The following NWD2 variants were observed in gnomAD, a reference collection of about 807,000 sequenced individuals.
NWD2 encodes the protein NACHT and WD repeat domain-containing protein 2.
NWD2 carries 37 observed loss-of-function variants against 132.7 expected under a neutral mutation model. The observed-to-expected ratio is 0.28, with a 90% CI of 0.21 to 0.37. The LOEUF is 0.37. NWD2 is among the 10% of genes least tolerant of loss of function. NWD2 has a pLI of 1.00. For missense variants in NWD2, 1,592 were observed against 2,122.4 expected (o/e 0.75, Z 4.91); for synonymous variants, 705 against 803.0 (o/e 0.88, Z 2.06).
intron 1 of NWD2, among the ~76,000 whole-genome samples, chr4:37,275,048 C>T (rs1320629004): frequency 1.3e-5 from 2 of 152,154 alleles, no homozygotes; most frequent in African/African-American, 4.8e-5. Flanking sequence ...CTCACCACTC[C>T]TATTCAACAT....
intron 3 of NWD2, among the ~76,000 whole-genome samples, chr4:37,392,984 C>T (rs1159719398): frequency 1.3e-5 from 2 of 152,166 alleles, no homozygotes; most frequent in Non-Finnish European, 2.9e-5. Context: ...ACCCAAATCT[C>T]GGTCTGACAT....
chr4:37,365,724 G>GC (rs1335871819), intron 3 of NWD2, among the ~76,000 whole-genome samples: 1 of 152,166 alleles, frequency 6.6e-6, no homozygotes, highest in African/African-American at 2.4e-5. Context: ...AGCCAAGAGG[G>GC]CCGTTGAAAT....
chr4:37,330,171 T>C (rs986038346), intron 2 of NWD2, among the ~76,000 whole-genome samples: 52 of 152,332 alleles, frequency 3.4e-4, no homozygotes, highest in African/African-American at 1.2e-3. Context: ...TCATTTGAAC[T>C]AAGATATTTG....
At position 37,438,896 on chromosome 4, in the gene NWD2, C is replaced by A; in HGVS notation, c.802C>A (p.Arg268Ser). ...CATTAGGAAAATTGCTAACATTGAG[C>A]GCTTTGTGAAAATCCCAGAGATGGG... ...CYIRKIANIERFVKIPEMGKY... is the reference protein window; with the variant it reads ...CYIRKIANIESFVKIPEMGKY... Residue 268 changes from arginine to serine, a missense_variant, in exon 6 of 7, where the codon CGC (arginine) becomes AGC (serine). Coordinates refer to ENST00000309447, the MANE Select transcript of NWD2 (RefSeq NM_001144990.2). The A allele has an allele frequency of 6.4e-7, 1 of 1,551,830 alleles. No homozygotes were observed. Among genetic ancestry groups the A allele is most frequent in the African/African-American group, 1.4e-5 (1 of 73,108 alleles).
chr4:37,349,095 G>T (rs191427326), intron 2 of NWD2, among the ~76,000 whole-genome samples: 1 of 151,962 alleles, frequency 6.6e-6, no homozygotes, highest in Non-Finnish European at 1.5e-5. Context: ...ATGGGCATTC[G>T]GGTTGGTTCC....
chr4:37,352,552 T>C (rs1278104172), intron 2 of NWD2, among the ~76,000 whole-genome samples: 3 of 152,226 alleles, frequency 2.0e-5, no homozygotes, highest in Non-Finnish European at 2.9e-5. Flanking sequence ...GCTCCTGTAT[T>C]GGGTGCATAT....
intron 3 of NWD2, among the ~76,000 whole-genome samples, chr4:37,403,171 C>T (rs1720929024): frequency 6.6e-6 from 1 of 152,118 alleles, no homozygotes; most frequent in African/African-American, 2.4e-5. Flanking sequence ...TATTATGTAC[C>T]AGGCACTGTT....
rs1224804998 is a variant in NWD2 at position 37,352,584 on chromosome 4, C to T, written c.241-3782C>T. 3.3e-5 allele frequency among the ~76,000 whole-genome samples: 5 copies of T among 152,040 alleles called. No individual in the cohort carries two copies. In the East Asian group the frequency reaches 9.6e-4, roughly 29 times the overall value. On this transcript the variant is annotated intron_variant, in intron 2 of 6. Transcript: ENST00000309447. ...ATATATATTCAGGATAGTTAGCTCT[C>T]GTTGCATTGATCCCTTTACCATTAT...
At chr4:37,279,306 A>C (rs1718083636) in intron 1 of NWD2, among the ~76,000 whole-genome samples, 1 of 152,202 alleles carries the variant, frequency 6.6e-6, no homozygotes, top group Non-Finnish European at 1.5e-5. Context: ...TTGGTTTTGG[A>C]ACAACAAAAA....
chr4:37,364,495 G>A (rs1720051718), intron 3 of NWD2, among the ~76,000 whole-genome samples: 1 of 152,090 alleles, frequency 6.6e-6, no homozygotes, highest in Non-Finnish European at 1.5e-5. Flanking sequence ...GCAGTAGTAT[G>A]CCTTGTCAAC....
intron 1 of NWD2, among the ~76,000 whole-genome samples, chr4:37,307,260 G>A (rs1718729021): frequency 6.6e-6 from 1 of 152,154 alleles, no homozygotes; most frequent in South Asian, 2.1e-4. Flanking sequence ...TATGATGGTA[G>A]TTATCATTCT....
chr4:37,444,220 A>G lies in NWD2; in HGVS notation c.2232A>G (p.Leu744=), dbSNP rs769246901. The part of the protein sequence containing the change: ...NRHLQLIAQK[L]YLQDDNDLRE... ...ACCTGCAGCTCATAGCCCAGAAGCTATATCTGCAGGATGACAATGACCTGC... is the reference window on the plus strand; with the variant it reads ...ACCTGCAGCTCATAGCCCAGAAGCTGTATCTGCAGGATGACAATGACCTGC... Residue 744 remains leucine, a synonymous_variant, in exon 7 of 7, where the codon CTA becomes CTG. Coordinates refer to ENST00000309447, the MANE Select transcript of NWD2 (RefSeq NM_001144990.2). The surrounding 1 kb of genome is among the most constrained non-coding windows in gnomAD (Gnocchi z 4.8). 1 of 1,551,746 alleles carries G rather than the reference A, an allele frequency of 6.4e-7. No homozygotes were observed. Among genetic ancestry groups the G allele is most frequent in the African/African-American group, 1.4e-5 (1 of 73,180 alleles).
intron 3 of NWD2, among the ~76,000 whole-genome samples, chr4:37,404,581 C>T (rs1418560867): frequency 2.6e-5 from 4 of 152,170 alleles, no homozygotes; most frequent in Non-Finnish European, 5.9e-5. Context: ...CCCCATATCC[C>T]TCTTTCTGAT....
chr4:37,395,645 A>C (rs942645309), intron 3 of NWD2, among the ~76,000 whole-genome samples: 10 of 148,464 alleles, frequency 6.7e-5, no homozygotes, highest in Non-Finnish European at 1.2e-4. Flanking sequence ...TCTCAGATCC[A>C]TTATGGGGAA....
At chr4:37,255,390 A>G (rs1577645505) in intron 1 of NWD2, among the ~76,000 whole-genome samples, 2 of 152,162 alleles carry the variant, frequency 1.3e-5, no homozygotes, top group Admixed American at 6.5e-5. Flanking sequence ...TGCTCCTGCC[A>G]TATGTAAGAA....
intron 2 of NWD2, among the ~76,000 whole-genome samples, chr4:37,354,192 T>G (rs901894384): frequency 7.9e-5 from 12 of 152,184 alleles, no homozygotes; most frequent in Non-Finnish European, 1.6e-4. Context: ...CAGCAAAGAT[T>G]GCTGCCTGTT....
At chr4:37,267,173 C>T (rs558293769) in intron 1 of NWD2, among the ~76,000 whole-genome samples, 2 of 151,998 alleles carry the variant, frequency 1.3e-5, no homozygotes, top group South Asian at 2.1e-4. Context: ...TATGACTGTA[C>T]GGCTAGAAAT....
chr4:37,381,852 T>C (rs1720460554), intron 3 of NWD2, among the ~76,000 whole-genome samples: 1 of 152,246 alleles, frequency 6.6e-6, no homozygotes, highest in African/African-American at 2.4e-5. Flanking sequence ...TTCCAAAGAA[T>C]TCAACTATGA....
At chr4:37,257,532 A>G (rs1027572751) in intron 1 of NWD2, among the ~76,000 whole-genome samples, 2 of 152,190 alleles carry the variant, frequency 1.3e-5, no homozygotes, top group Admixed American at 1.3e-4. Context: ...ATCTAAAACA[A>G]TGCCTGAAAG....
Sources: allele counts gnomAD v4.1 joint callset (sites outside exome capture counted in the v4.1 genomes callset), GRCh38; gene constraint gnomAD v4.1.1; non-coding constraint Gnocchi (gnomAD v3.1); transcripts MANE v1.5; gene names NCBI Gene and HGNC (gene_info 2026-07-23, HGNC 2026-07-21).